The following TUBA1C variants were observed in gnomAD, a reference collection of about 807,000 sequenced individuals.
The protein encoded by TUBA1C is tubulin alpha 1c, also known as tubulin alpha-1C chain.
Under a neutral mutation model 34.9 loss-of-function variants are expected in TUBA1C, and 16 were observed. The observed-to-expected ratio is 0.46, with a 90% CI of 0.31 to 0.70. The LOEUF (loss-of-function observed/expected upper bound fraction) is 0.70, where lower values mean the gene tolerates loss of function less well. Among genes scored for constraint, TUBA1C ranks in the 30% least tolerant of loss-of-function variants. The pLI, the probability that TUBA1C is intolerant of heterozygous loss-of-function variation, is 0.05. For synonymous variants in TUBA1C, 177 were observed against 215.9 expected, an observed-to-expected ratio of 0.82 and a Z score of 1.58; for missense variants, 329 against 587.3, an observed-to-expected ratio of 0.56 and a Z score of 4.55.
chr12:49,267,898 T>C (rs1372610149), intron 1 of TUBA1C, among the ~76,000 whole-genome samples: 1 of 152,222 alleles, frequency 6.6e-6, no homozygotes, highest in African/African-American at 2.4e-5. Flanking sequence ...GTCTCCAAAG[T>C]GGCTAATCTG....
chr12:49,243,590 T>C (rs1942639752), intron 1 of TUBA1C, among the ~76,000 whole-genome samples: 1 of 152,138 alleles, frequency 6.6e-6, no homozygotes, highest in Admixed American at 6.6e-5. Flanking sequence ...GGATAGCTTT[T>C]TGTTTTTGAT....
chr12:49,254,925 G>C (rs1942767915), intron 1 of TUBA1C, among the ~76,000 whole-genome samples: 1 of 152,048 alleles, frequency 6.6e-6, no homozygotes, highest in African/African-American at 2.4e-5. Context: ...CAGGAACTTG[G>C]TGCAGAGGCA....
intron 1 of TUBA1C, among the ~76,000 whole-genome samples, chr12:49,237,229 GA>G (rs1202743090): frequency 6.6e-6 from 1 of 151,816 alleles, no homozygotes; most frequent in Non-Finnish European, 1.5e-5. Context: ...AGACCAGCCT[GA>G]CCAACATGGA....
intron 1 of TUBA1C, among the ~76,000 whole-genome samples, chr12:49,254,440 C>A (rs144617308): frequency 2.6e-4 from 38 of 148,010 alleles, no homozygotes; most frequent in African/African-American, 7.1e-4. Flanking sequence ...CGAGATCATG[C>A]CACTGCACTC....
chr12:49,240,149 G>T (rs569554027), intron 1 of TUBA1C, among the ~76,000 whole-genome samples: 9 of 151,206 alleles, frequency 6.0e-5, no homozygotes, highest in African/African-American at 1.9e-4. Context: ...AATATAAAAA[G>T]GCTGCCCACT....
chr12:49,236,547 C>T (rs1173901039), intron 1 of TUBA1C, among the ~76,000 whole-genome samples: 1 of 152,216 alleles, frequency 6.6e-6, no homozygotes, highest in East Asian at 1.9e-4. Context: ...ACAGTATAGC[C>T]TACTGAAGCC....
chr12:49,249,556 G>T (rs937634171), intron 1 of TUBA1C, among the ~76,000 whole-genome samples: 4 of 152,118 alleles, frequency 2.6e-5, no homozygotes, highest in African/African-American at 9.6e-5. Flanking sequence ...ACAAAAAGTT[G>T]TTTCTTTGAA....
intron 3 of TUBA1C, 186 bp downstream of exon 3, chr12:49,270,162 G>A: frequency 8.0e-7 from 1 of 1,245,592 alleles, no homozygotes; most frequent in African/African-American, 1.5e-5. Context: ...CTATGGGGTA[G>A]AAGTAAGTGC....
chr12:49,264,804 TCCCC>T (rs1942879021), upstream of TUBA1C: 1 of 35,202 alleles, frequency 2.8e-5, no homozygotes, highest in Non-Finnish European at 5.3e-5. Flanking sequence ...CTGCCCTTCC[TCCCC>T]TTCCTCCCCT....
chr12:49,240,397 A>G (rs969411149), intron 1 of TUBA1C, among the ~76,000 whole-genome samples: 3 of 151,972 alleles, frequency 2.0e-5, no homozygotes, highest in African/African-American at 7.2e-5. Flanking sequence ...GATTCCACAG[A>G]GGAACTGCCT....
upstream of TUBA1C, among the ~76,000 whole-genome samples, chr12:49,260,658 A>G (rs143119508): frequency 1.3e-4 from 20 of 152,364 alleles, no homozygotes; most frequent in African/African-American, 4.3e-4. Flanking sequence ...CATGTTACCT[A>G]GAAAGTAATG....
chr12:49,272,037 C>T (rs567402443), intron 3 of TUBA1C, among the ~76,000 whole-genome samples: 1 of 150,502 alleles, frequency 6.6e-6, no homozygotes, highest in South Asian at 2.1e-4. Flanking sequence ...GCCTGATCAT[C>T]AGTCTTGAAC....
chr12:49,271,906 C>T (rs1942996016), intron 3 of TUBA1C, among the ~76,000 whole-genome samples: 1 of 152,094 alleles, frequency 6.6e-6, no homozygotes, highest in African/African-American at 2.4e-5. Context: ...ATAGTCTTAG[C>T]AAAGGTTTTT....
chr12:49,265,063 CG>C (rs1010739904), upstream of TUBA1C: 33 of 1,357,172 alleles, frequency 2.4e-5, no homozygotes, highest in Admixed American at 4.8e-4. Flanking sequence ...TAAGGCCCTT[CG>C]GGGCCGGCCA....
At chr12:49,268,597 C>T (rs1381058286) in intron 1 of TUBA1C, among the ~76,000 whole-genome samples, 1 of 152,124 alleles carries the variant, frequency 6.6e-6, no homozygotes, top group Non-Finnish European at 1.5e-5. Flanking sequence ...TTATTATGGT[C>T]TTCCCTCTTC....
At chr12:49,245,675 A>T (rs1240775423) in intron 1 of TUBA1C, among the ~76,000 whole-genome samples, 1 of 152,178 alleles carries the variant, frequency 6.6e-6, no homozygotes, top group East Asian at 1.9e-4. Context: ...GGACACTCCC[A>T]TTCTCAGCTG....
intron 1 of TUBA1C, among the ~76,000 whole-genome samples, chr12:49,249,078 CAT>C (rs1407328132): frequency 6.6e-6 from 1 of 151,842 alleles, no homozygotes; most frequent in Non-Finnish European, 1.5e-5. Flanking sequence ...TAGAGGAAAA[CAT>C]ATATATAAGA....
chr12:49,252,163 G>A (rs1942737940), intron 1 of TUBA1C, among the ~76,000 whole-genome samples: 1 of 152,190 alleles, frequency 6.6e-6, no homozygotes, highest in South Asian at 2.1e-4. Flanking sequence ...AGAATATGAT[G>A]CTAGGTGGCA....
intron 1 of TUBA1C, among the ~76,000 whole-genome samples, chr12:49,246,472 G>A (rs1024118671): frequency 1.3e-5 from 2 of 151,742 alleles, no homozygotes; most frequent in South Asian, 4.2e-4. Flanking sequence ...GAGGTCAGGA[G>A]ATCCAGATCA....
Sources: allele counts gnomAD v4.1 joint callset (sites outside exome capture counted in the v4.1 genomes callset), GRCh38; gene constraint gnomAD v4.1.1; transcripts MANE v1.5; gene names NCBI Gene and HGNC (gene_info 2026-07-23, HGNC 2026-07-21).